Variants in HDAC9 observed in about 807,000 individuals in gnomAD.
HDAC9 encodes the protein histone deacetylase 9.
A neutral mutation model predicts 139.4 loss-of-function variants in HDAC9; 41 were observed. That is an observed-to-expected ratio of 0.29 (90% CI 0.23 to 0.38). The LOEUF is 0.38. Ranked by LOEUF, HDAC9 falls within the 10% of genes least tolerant of loss-of-function variation. The pLI, the probability that HDAC9 is intolerant of heterozygous loss-of-function variation, is 1.00. For missense variants in HDAC9, 1,147 were observed against 1,297.0 expected, an observed-to-expected ratio of 0.88 and a Z score of 1.78; for synonymous variants, 517 against 476.2, an observed-to-expected ratio of 1.09 and a Z score of -1.12.
chr7:18,637,216 CA>C (rs933765717), intron 8 of HDAC9, among the ~76,000 whole-genome samples: 3 of 151,884 alleles, frequency 2.0e-5, no homozygotes, highest in African/African-American at 4.8e-5. Flanking sequence ...GATTACCTTT[CA>C]GGGGGGAAGA....
chr7:18,589,149 C>T (rs149327367), intron 3 of HDAC9, among the ~76,000 whole-genome samples: 17 of 152,114 alleles, frequency 1.1e-4, no homozygotes, highest in Admixed American at 1.1e-3. Context: ...TTAGTTACTC[C>T]TCAGTGTGCA....
intron 1 of HDAC9, among the ~76,000 whole-genome samples, chr7:18,377,902 G>T (rs771785691): frequency 1.4e-4 from 21 of 152,078 alleles, no homozygotes; most frequent in Non-Finnish European, 2.9e-4. Context: ...TGGTCCTGTA[G>T]ATAGAGTAGG....
At chr7:18,901,606 T>C (rs1371082260) in intron 22 of HDAC9, among the ~76,000 whole-genome samples, 2 of 152,284 alleles carry the variant, frequency 1.3e-5, no homozygotes, top group East Asian at 3.9e-4. Flanking sequence ...ATTAACCACA[T>C]AATTGCTAGA....
At chr7:18,774,965 C>G (rs142213217) in intron 16 of HDAC9, among the ~76,000 whole-genome samples, 2 of 151,994 alleles carry the variant, frequency 1.3e-5, no homozygotes, top group Non-Finnish European at 2.9e-5. Flanking sequence ...ACGTGCAACT[C>G]TTCCTTTTAC....
intron 1 of HDAC9, among the ~76,000 whole-genome samples, chr7:18,336,494 A>G (rs1781594554): frequency 2.6e-5 from 4 of 151,664 alleles, no homozygotes; most frequent in Admixed American, 1.3e-4. Context: ...TCATTTTAAC[A>G]TATGTACTTT....
At chr7:18,257,169 C>G (rs1795311974) in intron 2 of HDAC9, among the ~76,000 whole-genome samples, 1 of 144,700 alleles carries the variant, frequency 6.9e-6, no homozygotes, top group South Asian at 2.3e-4. Context: ...TGTAACAAAA[C>G]AAAAATAAGA....
intron 1 of HDAC9, among the ~76,000 whole-genome samples, chr7:18,325,304 A>G (rs1290095693): frequency 1.3e-5 from 2 of 152,146 alleles, no homozygotes; most frequent in African/African-American, 4.8e-5. Flanking sequence ...AATAAAACAA[A>G]AAGAAGTCTT....
chr7:18,222,798 G>T (rs1345508233), intron 2 of HDAC9, among the ~76,000 whole-genome samples: 1 of 152,014 alleles, frequency 6.6e-6, no homozygotes, highest in East Asian at 1.9e-4. Flanking sequence ...TAGATTGTTG[G>T]TTTGTTTTGC....
chr7:18,882,540 T>C (rs1799812067), intron 22 of HDAC9, among the ~76,000 whole-genome samples: 1 of 151,956 alleles, frequency 6.6e-6, no homozygotes. Flanking sequence ...ACAGTAAGAA[T>C]TAAAGGAGAG....
upstream of HDAC9, among the ~76,000 whole-genome samples, chr7:18,494,471 T>C (rs1196610362): frequency 6.6e-6 from 1 of 152,068 alleles, no homozygotes; most frequent in Non-Finnish European, 1.5e-5. Flanking sequence ...AGAATTACAT[T>C]TTCCTCGCTG....
chr7:18,585,228 C>T, intron 2 of HDAC9, 53 bp from the exon 3 acceptor site: 1 of 1,581,308 alleles, frequency 6.3e-7, no homozygotes, highest in South Asian at 1.2e-5. Context: ...TGCTAATTTC[C>T]AATCTTCTAT....
intron 1 of HDAC9, among the ~76,000 whole-genome samples, chr7:18,370,245 C>T (rs1026927876): frequency 4.6e-5 from 7 of 152,134 alleles, no homozygotes; most frequent in African/African-American, 1.7e-4. Context: ...TAGTTAGAAT[C>T]CCATAAATCT....
At chr7:18,970,590 A>C (rs935523062) in intron 24 of HDAC9, among the ~76,000 whole-genome samples, 6 of 152,172 alleles carry the variant, frequency 3.9e-5, no homozygotes, top group Non-Finnish European at 5.9e-5. Flanking sequence ...GCATTTAAAC[A>C]ATGTTTTGGA....
At chr7:18,477,208 T>A (rs548527884) in intron 1 of HDAC9, among the ~76,000 whole-genome samples, 2 of 152,326 alleles carry the variant, frequency 1.3e-5, no homozygotes, top group African/African-American at 4.8e-5. Flanking sequence ...TATATTATAG[T>A]CAACTATGAC....
At chr7:18,592,157 A>G (rs918978911) in intron 5 of HDAC9, among the ~76,000 whole-genome samples, 1 of 152,096 alleles carries the variant, frequency 6.6e-6, no homozygotes, top group Non-Finnish European at 1.5e-5. Flanking sequence ...GAAGGAAGAA[A>G]GGAAGATAAG....
At chr7:18,153,401 C>T (rs1214613249) in intron 1 of HDAC9, among the ~76,000 whole-genome samples, 1 of 152,084 alleles carries the variant, frequency 6.6e-6, no homozygotes, top group African/African-American at 2.4e-5. Context: ...GATATACACC[C>T]TATGTAAATG....
chr7:18,451,368 CGTGTGTGTGTGT>C (rs71553928), intron 1 of HDAC9, among the ~76,000 whole-genome samples: 14 of 138,800 alleles, frequency 1.0e-4, no homozygotes, highest in African/African-American at 8.1e-5. Context: ...TGTATATGTG[CGTGTGTGTGTGT>C]GTGTGTGTGT....
At chr7:18,183,059 G>A (rs1248742825) in intron 2 of HDAC9, among the ~76,000 whole-genome samples, 1 of 151,290 alleles carries the variant, frequency 6.6e-6, no homozygotes, top group East Asian at 1.9e-4. Flanking sequence ...GCCCGTGCTG[G>A]AGTGCAGTGG....
chr7:18,209,450 AC>A (rs1263260766), intron 2 of HDAC9, among the ~76,000 whole-genome samples: 2 of 152,110 alleles, frequency 1.3e-5, no homozygotes, highest in African/African-American at 4.8e-5. Context: ...AGTACTTCTG[AC>A]TTTTACTTAA....
Sources: allele counts gnomAD v4.1 joint callset (sites outside exome capture counted in the v4.1 genomes callset), GRCh38; gene constraint gnomAD v4.1.1; transcripts MANE v1.5; gene names NCBI Gene and HGNC (gene_info 2026-07-23, HGNC 2026-07-21).